The following PDE10A variants were observed in gnomAD, a reference collection of about 807,000 sequenced individuals.
PDE10A encodes the protein phosphodiesterase 10A.
PDE10A carries 39 observed loss-of-function variants against 97.7 expected under a neutral mutation model. The observed-to-expected ratio is 0.40, with a 90% CI of 0.31 to 0.52. The LOEUF (loss-of-function observed/expected upper bound fraction) is 0.52, where lower values mean the gene tolerates loss of function less well. PDE10A is among the 20% of genes least tolerant of loss of function. The probability of loss-of-function intolerance (pLI) is 0.56; values close to 1 mark genes in which losing one functional copy is unlikely to be tolerated. For synonymous variants in PDE10A, 371 were observed against 376.8 expected (o/e 0.98, Z 0.18); for missense variants, 731 against 1,047.8 (o/e 0.70, Z 4.17).
chr6:165,535,026 C>A (rs1315504385), intron 2 of PDE10A, among the ~76,000 whole-genome samples: 1 of 151,924 alleles, frequency 6.6e-6, no homozygotes, highest in Non-Finnish European at 1.5e-5. Context: ...ATGACACGAT[C>A]TTGTATTTCA....
intron 18 of PDE10A, 24 bp downstream of exon 18, chr6:165,379,170 T>A: frequency 6.5e-7 from 1 of 1,536,246 alleles, no homozygotes; most frequent in Non-Finnish European, 8.9e-7. Flanking sequence ...TCTGGGCTTC[T>A]AAGCTTTTAA....
intron 1 of PDE10A, among the ~76,000 whole-genome samples, chr6:165,828,394 G>C (rs1250874649): frequency 6.6e-6 from 1 of 152,190 alleles, no homozygotes; most frequent in Non-Finnish European, 1.5e-5. Flanking sequence ...TATTAGCTAG[G>C]GGTGTTGGGA....
intron 1 of PDE10A, among the ~76,000 whole-genome samples, chr6:165,670,332 A>C (rs922523259): frequency 3.9e-5 from 6 of 152,244 alleles, no homozygotes; most frequent in African/African-American, 1.4e-4. Context: ...AACGCATTTC[A>C]GCAAAATACA....
chr6:165,977,386 A>C (rs1253842884), intron 1 of PDE10A, among the ~76,000 whole-genome samples: 1 of 152,208 alleles, frequency 6.6e-6, no homozygotes, highest in Non-Finnish European at 1.5e-5. Flanking sequence ...GGACGGTATA[A>C]CTTGGTGATG....
At chr6:165,890,791 C>T (rs1781770850) in intron 1 of PDE10A, among the ~76,000 whole-genome samples, 1 of 152,174 alleles carries the variant, frequency 6.6e-6, no homozygotes, top group Non-Finnish European at 1.5e-5. Flanking sequence ...ATACAGAGCT[C>T]CTTCTGGAAG....
intron 13 of PDE10A, among the ~76,000 whole-genome samples, chr6:165,411,169 C>T (rs550491079): frequency 6.9e-6 from 1 of 144,980 alleles, no homozygotes; most frequent in Admixed American, 6.9e-5. Flanking sequence ...TCATGAGAGA[C>T]AACACTAAGG....
intron 1 of PDE10A, among the ~76,000 whole-genome samples, chr6:165,753,133 G>A (rs1583039411): frequency 6.6e-6 from 1 of 152,328 alleles, no homozygotes; most frequent in East Asian, 1.9e-4. Flanking sequence ...GTTAATAGCG[G>A]TTTAATTTAT....
chr6:165,373,363 T>A (rs529244809), intron 18 of PDE10A, among the ~76,000 whole-genome samples: 1 of 151,996 alleles, frequency 6.6e-6, no homozygotes, highest in South Asian at 2.1e-4. Flanking sequence ...GAATCTACAA[T>A]GAACTCAAAC....
At chr6:165,855,730 G>A (rs1322237687) in intron 1 of PDE10A, among the ~76,000 whole-genome samples, 1 of 151,886 alleles carries the variant, frequency 6.6e-6, no homozygotes, top group African/African-American at 2.4e-5. Flanking sequence ...ACTTTCAAAC[G>A]GACACCGAGG....
intron 1 of PDE10A, among the ~76,000 whole-genome samples, chr6:165,674,752 G>A (rs1013661482): frequency 6.6e-6 from 1 of 152,180 alleles, no homozygotes; most frequent in Non-Finnish European, 1.5e-5. Context: ...CACGGAGGCA[G>A]AATGTGTACA....
Position 165,661,830 on chromosome 6 carries a change from CCGGGCA to C in PDE10A, c.865+111_865+116del. 3.4e-6 allele frequency: 2 copies of C among 592,962 alleles called. No homozygotes were observed. Among genetic ancestry groups the C allele is most frequent in the South Asian group, 1.9e-5 (1 of 53,628 alleles). 36.7% of individuals were successfully genotyped at this position (592,962 alleles called of 1,614,324 possible). A position where few individuals can be genotyped will look rare whatever the true frequency, so the allele number is the denominator to read the frequency against. On this transcript the variant is annotated intron_variant, in intron 1 of 21. Transcript: ENST00000539869. The surrounding 1 kb of genome is among the most constrained non-coding windows in gnomAD (Gnocchi z 4.8). ...GAGAAGCCCCCTGGGCGCTCCACGC[CCGGGCA>C]CGGGCACCTCGCTCGACACCCGCTT...
chr6:165,539,927 A>AAATCAATCAATCAATCAATC, intron 2 of PDE10A, among the ~76,000 whole-genome samples: 1 of 151,744 alleles, frequency 6.6e-6, no homozygotes. Flanking sequence ...CTTTGCTCAA[A>AAATCAATCAATCAATCAATC]AATCAATCAA....
At chr6:165,351,710 T>C (rs1782705648) in intron 18 of PDE10A, among the ~76,000 whole-genome samples, 1 of 152,314 alleles carries the variant, frequency 6.6e-6, no homozygotes, top group Admixed American at 6.5e-5. Context: ...TTCAAGCCAA[T>C]ACAGTTTTGA....
chr6:165,898,055 C>T (rs1217204570), intron 1 of PDE10A, among the ~76,000 whole-genome samples: 2 of 151,128 alleles, frequency 1.3e-5, no homozygotes, highest in Non-Finnish European at 2.9e-5. Flanking sequence ...GGCAAGGGCT[C>T]CCCTCTGTCT....
intron 1 of PDE10A, among the ~76,000 whole-genome samples, chr6:165,746,843 T>C (rs1348026204): frequency 6.6e-6 from 1 of 152,242 alleles, no homozygotes; most frequent in Non-Finnish European, 1.5e-5. Context: ...TAATGAGTTA[T>C]AGAAAATTGC....
At chr6:165,658,917 C>T (rs1472608447) in intron 1 of PDE10A, among the ~76,000 whole-genome samples, 2 of 152,134 alleles carry the variant, frequency 1.3e-5, no homozygotes, top group African/African-American at 4.8e-5. Flanking sequence ...TAACTTCAAA[C>T]GTGCTTCTAG....
chr6:165,919,943 G>A lies in PDE10A; in HGVS notation c.-615+67586C>T, dbSNP rs114551497. 1.2e-3 allele frequency among the ~76,000 whole-genome samples: 189 copies of A among 152,218 alleles called. 1 individual carries two copies. Among genetic ancestry groups the A allele is most frequent in the African/African-American group, 4.3e-3 (177 of 41,530 alleles). ...TGGTGCCCACCCTTCATATTCCTTA[G>A]AGTCTCTGATTTTTTTTGGTATGGC... On this transcript the variant is annotated intron_variant, in intron 1 of 19. Coordinates refer to the PDE10A transcript ENST00000366882.
At chr6:165,603,248 C>A (rs1787053054) in intron 1 of PDE10A, among the ~76,000 whole-genome samples, 2 of 152,110 alleles carry the variant, frequency 1.3e-5, no homozygotes, top group South Asian at 4.1e-4. Flanking sequence ...GTTGAGGAAC[C>A]CCTGCAAGAG....
In PDE10A at chr6:165,704,325, C is replaced by T. The variant is rs1195286841; in HGVS notation, c.-614-160757G>A. Among the ~76,000 whole-genome samples, 3 of 150,658 alleles carry T rather than the reference C, an allele frequency of 2.0e-5. No individual in the cohort carries two copies. In the South Asian group the frequency reaches 6.2e-4, roughly 31 times the overall value. ...AAACAAAGGAGGAGCACGTGGGACA[C>T]CCATGCAAATTACAAACCCAACCGG... is the stretch of plus-strand genomic sequence containing the variant. On this transcript the variant is annotated intron_variant, in intron 1 of 19. Coordinates refer to the PDE10A transcript ENST00000366882.
Sources: allele counts gnomAD v4.1 joint callset (sites outside exome capture counted in the v4.1 genomes callset), GRCh38; gene constraint gnomAD v4.1.1; non-coding constraint Gnocchi (gnomAD v3.1); transcripts MANE v1.5; gene names NCBI Gene and HGNC (gene_info 2026-07-23, HGNC 2026-07-21).